The following FOXP1 variants were observed in gnomAD, a reference collection of about 807,000 sequenced individuals.
FOXP1 encodes forkhead box P1, also known as forkhead box protein P1.
Under a neutral mutation model 98.2 loss-of-function variants are expected in FOXP1, and 15 were observed. The ratio of observed to expected loss-of-function variants is 0.15; its 90% confidence interval spans 0.10 to 0.24. The LOEUF is 0.24. Among genes scored for constraint, FOXP1 ranks in the 10% least tolerant of loss-of-function variants. The probability of loss-of-function intolerance (pLI) is 1.00; values close to 1 mark genes in which losing one functional copy is unlikely to be tolerated. For synonymous variants in FOXP1, 371 were observed against 314.5 expected (o/e 1.18, Z -1.90); for missense variants, 633 against 848.5 (o/e 0.75, Z 3.15).
At chr3:71,469,591 C>T (rs1221117676) in intron 3 of FOXP1, among the ~76,000 whole-genome samples, 1 of 152,128 alleles carries the variant, frequency 6.6e-6, no homozygotes, top group Admixed American at 6.5e-5. Context: ...GTGACTTAGC[C>T]CACACAGAAA....
intron 5 of FOXP1, among the ~76,000 whole-genome samples, chr3:71,230,730 C>A (rs1420957675): frequency 1.3e-5 from 2 of 152,044 alleles, no homozygotes; most frequent in African/African-American, 2.4e-5. Flanking sequence ...TGGGAAGAGC[C>A]AAGAGAAAAC....
At chr3:71,320,426 C>A (rs1047885333) in intron 4 of FOXP1, among the ~76,000 whole-genome samples, 1 of 151,824 alleles carries the variant, frequency 6.6e-6, no homozygotes, top group Non-Finnish European at 1.5e-5. Context: ...GTCTCTAAGC[C>A]GCTGCACAGA....
intron 2 of FOXP1, among the ~76,000 whole-genome samples, chr3:71,527,089 G>A (rs188017775): frequency 1.2e-4 from 19 of 152,090 alleles, no homozygotes; most frequent in Admixed American, 5.2e-4. Context: ...CTAGGCTGAT[G>A]CAGACAAGGC....
intron 6 of FOXP1, among the ~76,000 whole-genome samples, chr3:71,186,966 C>CA (rs2062684956): frequency 6.6e-6 from 1 of 152,216 alleles, no homozygotes; most frequent in African/African-American, 2.4e-5. Context: ...TCTGCTGCTG[C>CA]AGCATGAACG....
At chr3:71,169,616 C>T (rs1444829448) in intron 6 of FOXP1, among the ~76,000 whole-genome samples, 1 of 151,626 alleles carries the variant, frequency 6.6e-6, no homozygotes. Context: ...CCCACCGCCC[C>T]CCGCAAATGT....
intron 4 of FOXP1, among the ~76,000 whole-genome samples, chr3:71,352,746 T>C (rs1227616310): frequency 1.3e-5 from 2 of 152,184 alleles, no homozygotes; most frequent in African/African-American, 4.8e-5. Context: ...AGAATGTTTC[T>C]CTTAAAAAAC....
intron 2 of FOXP1, among the ~76,000 whole-genome samples, chr3:71,503,201 G>A (rs1259460946): frequency 1.3e-5 from 2 of 152,124 alleles, no homozygotes; most frequent in African/African-American, 2.4e-5. Flanking sequence ...CCATAGCAGT[G>A]GAGCCAAATC....
rs2032447608 is a variant in FOXP1, at chr3:70,958,672, G to A, written c.*575C>T. 1 of 164,790 alleles carries A rather than the reference G, an allele frequency of 6.1e-6. No homozygotes were observed. The highest frequency in any genetic ancestry group is 1.2e-5 in the Non-Finnish European group (1 of 86,126). The allele number at this position is 164,790 out of a possible 1,614,324, so 10.2% of individuals were successfully genotyped here. On this transcript the variant is annotated 3_prime_UTR_variant, in exon 21 of 21. Transcript: ENST00000649528. ...AAAAGCAATACATTAAAAAGTTTGG[G>A]ATAATTATTTTTTAACCCCTCCCCC... is the stretch of plus-strand genomic sequence containing the variant.
At chr3:71,125,882 A>T (rs2059132852) in intron 6 of FOXP1, among the ~76,000 whole-genome samples, 1 of 152,206 alleles carries the variant, frequency 6.6e-6, no homozygotes, top group African/African-American at 2.4e-5. Flanking sequence ...GCCCAATTCT[A>T]CCATTCGCTA....
intron 3 of FOXP1, among the ~76,000 whole-genome samples, chr3:71,429,020 G>A (rs567057434): frequency 4.3e-4 from 65 of 152,272 alleles, no homozygotes; most frequent in South Asian, 4.1e-4. Flanking sequence ...GACAGTAGTC[G>A]GCTGACATTT....
At chr3:71,556,576 CAAAAA>C (rs757217111) in intron 2 of FOXP1, among the ~76,000 whole-genome samples, 24 of 29,810 alleles carry the variant, frequency 8.1e-4, no homozygotes, top group African/African-American at 2.9e-3. Flanking sequence ...GACTCCGTCT[CAAAAA>C]AAAAAAAAAA....
intron 2 of FOXP1, among the ~76,000 whole-genome samples, chr3:71,533,716 C>G (rs2107552924): frequency 6.6e-6 from 1 of 152,268 alleles, no homozygotes. Flanking sequence ...GGATGACATG[C>G]AAAACATCCT....
At chr3:70,967,246 C>G (rs1331427054) in intron 19 of FOXP1, among the ~76,000 whole-genome samples, 2 of 152,174 alleles carry the variant, frequency 1.3e-5, no homozygotes. Context: ...CAAAAGAGTG[C>G]AAAGCTGGGC....
chr3:71,071,412 G>A (rs1202555845), intron 7 of FOXP1, among the ~76,000 whole-genome samples: 2 of 152,136 alleles, frequency 1.3e-5, no homozygotes, highest in Admixed American at 1.3e-4. Context: ...CCTCAAGCAG[G>A]CTGTTTAACT....
rs187319317 is a variant in FOXP1, at chr3:71,172,729, T to A, written c.180+25473A>T. Among the ~76,000 whole-genome samples, 412 of 152,304 alleles carry A rather than the reference T, an allele frequency of 2.7e-3. 2 individuals are homozygous for A. Among genetic ancestry groups the A allele is most frequent in the African/African-American group, 9.1e-3 (380 of 41,554 alleles). The stretch of plus-strand genomic sequence containing the variant: ...AGGATTTCCTTCTATCTTCCTTCCC[T>A]CTTCCTTCTGGATTCACTGTTGGTA... On this transcript the variant is annotated intron_variant, in intron 6 of 20. Transcript: ENST00000649528.
intron 5 of FOXP1, among the ~76,000 whole-genome samples, chr3:71,277,109 C>A (rs2070991440): frequency 6.6e-6 from 1 of 151,914 alleles, no homozygotes. Flanking sequence ...CAGGCGCCCG[C>A]CACCACGCCC....
chr3:71,341,495 G>A (rs1360698275), intron 4 of FOXP1, among the ~76,000 whole-genome samples: 5 of 152,180 alleles, frequency 3.3e-5, no homozygotes, highest in African/African-American at 9.6e-5. Context: ...GAGGCAAGGC[G>A]TGGTGGCTAA....
intron 3 of FOXP1, among the ~76,000 whole-genome samples, chr3:71,392,030 A>G (rs1472881044): frequency 6.6e-6 from 1 of 152,236 alleles, no homozygotes; most frequent in African/African-American, 2.4e-5. Flanking sequence ...CATTAAGATC[A>G]AAACAGTTCA....
chr3:71,339,726 G>A (rs949851708), intron 4 of FOXP1, among the ~76,000 whole-genome samples: 1 of 152,194 alleles, frequency 6.6e-6, no homozygotes, highest in Non-Finnish European at 1.5e-5. Flanking sequence ...ATAGTTAGCT[G>A]ACGGCTGTTG....
Sources: allele counts gnomAD v4.1 joint callset (sites outside exome capture counted in the v4.1 genomes callset), GRCh38; gene constraint gnomAD v4.1.1; transcripts MANE v1.5; gene names NCBI Gene and HGNC (gene_info 2026-07-23, HGNC 2026-07-21).